Variants in CSMD3 observed in about 807,000 individuals in gnomAD.
CSMD3 encodes the protein CUB and sushi domain-containing protein 3.
CSMD3 carries 177 observed loss-of-function variants against 435.2 expected under a neutral mutation model. The ratio of observed to expected loss-of-function variants is 0.41; its 90% confidence interval spans 0.36 to 0.46. CSMD3 has a LOEUF of 0.46. CSMD3 is among the 20% of genes least tolerant of loss of function. The pLI, the probability that CSMD3 is intolerant of heterozygous loss-of-function variation, is 0.34. For missense variants in CSMD3, 4,265 were observed against 4,504.6 expected, an observed-to-expected ratio of 0.95 and a Z score of 1.52; for synonymous variants, 1,656 against 1,520.5, an observed-to-expected ratio of 1.09 and a Z score of -2.07.
At chr8:112,703,136 G>T in intron 13 of CSMD3, among the ~76,000 whole-genome samples, 1 of 152,122 alleles carries the variant, frequency 6.6e-6, no homozygotes, top group South Asian at 2.1e-4. Context: ...AATACATGTT[G>T]CCTCCACTGT....
intron 13 of CSMD3, among the ~76,000 whole-genome samples, chr8:112,798,948 A>G (rs949972091): frequency 6.6e-6 from 1 of 151,852 alleles, no homozygotes; most frequent in Non-Finnish European, 1.5e-5. Flanking sequence ...GCATTACACA[A>G]TATTTCCAAG....
Position 112,954,734 on chromosome 8 carries a change from C to G in CSMD3, c.1370G>C (p.Arg457Thr), listed in dbSNP as rs1180836171. 4 of 1,592,518 alleles carry G rather than the reference C, an allele frequency of 2.5e-6. No homozygotes were observed. The African/African-American group carries it at 5.4e-5, about 21-fold the overall frequency. ...RVKKAIDFKS[R>T]GFKLFPGKDN... The stretch of plus-strand genomic sequence containing the variant: ...TTTCCCTGGAAACAATTTAAATCCT[C>G]TAGATTTAAAATCTATGGCCTTTTT... The change falls in exon 8 of 71, where the codon AGA (arginine) becomes ACA (threonine). Residue 457 changes from arginine (R) to threonine (T), a missense_variant. Transcript: ENST00000297405.
chr8:113,352,377 G>T (rs1037349024), intron 1 of CSMD3, among the ~76,000 whole-genome samples: 4 of 152,044 alleles, frequency 2.6e-5, no homozygotes, highest in Non-Finnish European at 5.9e-5. Flanking sequence ...ACCATCAGAA[G>T]CTGGAAGAAG....
intron 3 of CSMD3, among the ~76,000 whole-genome samples, chr8:113,248,148 G>T (rs2093295294): frequency 6.6e-6 from 1 of 151,846 alleles, no homozygotes; most frequent in South Asian, 2.1e-4. Context: ...AAAATGTGGG[G>T]TATTTTATGA....
chr8:113,426,197 C>A (rs746329507), intron 1 of CSMD3, among the ~76,000 whole-genome samples: 29 of 151,358 alleles, frequency 1.9e-4, no homozygotes, highest in Non-Finnish European at 3.7e-4. Flanking sequence ...AGCATAAATT[C>A]ATTACTAACA....
chr8:112,465,477 T>C (rs950033496), intron 32 of CSMD3, among the ~76,000 whole-genome samples: 1 of 152,120 alleles, frequency 6.6e-6, no homozygotes, highest in Non-Finnish European at 1.5e-5. Flanking sequence ...AGGCAGATCA[T>C]GTTCAACCAA....
rs372892082 is a variant in CSMD3, at chr8:113,349,521, C to A, written c.179-34728G>T. ...TCTAGGCTGGGCACAGTGGCTCATA[C>A]CTGTAAACTCAGCACTTTGGGAGAT... On this transcript the variant is annotated intron_variant, in intron 1 of 70. Transcript: ENST00000297405. Among the ~76,000 whole-genome samples the A allele has an allele frequency of 1.1e-4, 17 of 152,130 alleles. No homozygotes were observed. The South Asian group carries it at 3.5e-3, about 32-fold the overall frequency.
At chr8:113,011,550 T>C (rs545239052) in intron 6 of CSMD3, among the ~76,000 whole-genome samples, 2 of 151,966 alleles carry the variant, frequency 1.3e-5, no homozygotes, top group African/African-American at 4.8e-5. Flanking sequence ...AGGATTAGAA[T>C]TATTTTGTTA....
intron 10 of CSMD3, among the ~76,000 whole-genome samples, chr8:112,909,234 T>C (rs1401861004): frequency 1.3e-5 from 2 of 151,550 alleles, no homozygotes; most frequent in East Asian, 2.0e-4. Context: ...TTATATTAAC[T>C]CCAAATTGGT....
At chr8:112,568,343 AGC>A (rs1829227107) in intron 24 of CSMD3, among the ~76,000 whole-genome samples, 2 of 152,182 alleles carry the variant, frequency 1.3e-5, no homozygotes, top group Admixed American at 6.5e-5. Flanking sequence ...CTGTAATCCC[AGC>A]ATTTTGGGAG....
intron 2 of CSMD3, among the ~76,000 whole-genome samples, chr8:113,294,710 T>C (rs920188989): frequency 2.0e-5 from 3 of 152,120 alleles, no homozygotes. Context: ...AGAGGAACTA[T>C]AGTAGCCCAT....
intron 18 of CSMD3, among the ~76,000 whole-genome samples, chr8:112,655,586 A>G (rs907037316): frequency 2.0e-5 from 3 of 152,074 alleles, no homozygotes; most frequent in African/African-American, 7.2e-5. Context: ...AATAGGGGTT[A>G]TAATGATTCC....
intron 4 of CSMD3, among the ~76,000 whole-genome samples, chr8:113,168,989 G>A (rs993252761): frequency 5.3e-5 from 8 of 151,984 alleles, no homozygotes; most frequent in African/African-American, 1.9e-4. Flanking sequence ...TTCTTTGGAG[G>A]AATTTTGGTA....
chr8:112,293,768 T>A (rs1820000490), intron 54 of CSMD3, among the ~76,000 whole-genome samples: 1 of 152,118 alleles, frequency 6.6e-6, no homozygotes, highest in African/African-American at 2.4e-5. Flanking sequence ...TCAGTAATAG[T>A]GCTTCCTAAT....
chr8:112,431,001 G>C (rs370014582), intron 32 of CSMD3, among the ~76,000 whole-genome samples: 7 of 151,948 alleles, frequency 4.6e-5, no homozygotes, highest in African/African-American at 1.7e-4. Context: ...GCTCTGACTA[G>C]TTGTGCAAGC....
chr8:113,146,790 T>C (rs1040516570), intron 4 of CSMD3, among the ~76,000 whole-genome samples: 22 of 151,532 alleles, frequency 1.5e-4, no homozygotes, highest in African/African-American at 4.6e-4. Flanking sequence ...AATATGAAAA[T>C]CTTAGAATTA....
chr8:112,335,513 T>C (rs1824473694), intron 44 of CSMD3, 39 bp from the exon 45 acceptor site: 5 of 1,592,018 alleles, frequency 3.1e-6, no homozygotes, highest in Middle Eastern at 1.7e-4. Context: ...GAGATCAAGA[T>C]TGATTGTGGA....
At chr8:112,413,026 C>T (rs1811517477) in intron 32 of CSMD3, among the ~76,000 whole-genome samples, 1 of 152,102 alleles carries the variant, frequency 6.6e-6, no homozygotes, top group Admixed American at 6.6e-5. Context: ...ACCTACTAAT[C>T]TCTAATGGCA....
chr8:112,964,676 C>G (rs762589130), intron 7 of CSMD3, among the ~76,000 whole-genome samples: 2 of 151,666 alleles, frequency 1.3e-5, no homozygotes, highest in Non-Finnish European at 2.9e-5. Flanking sequence ...TAATATAAGC[C>G]TCCTCAATGA....
Sources: gnomAD v4.1 joint callset for allele counts (sites outside exome capture counted in the v4.1 genomes callset) on GRCh38, gnomAD v4.1.1 for gene constraint, MANE v1.5 for transcripts, NCBI Gene and HGNC (gene_info 2026-07-23, HGNC 2026-07-21) for gene names.